SAMMSON: variants seen among roughly 807,000 people sequenced by gnomAD.
The protein encoded by SAMMSON is survival associated mitochondrial melanoma specific oncogenic non-coding RNA.
chr3:70,094,345 G>C (rs1364064314), intron 4 of SAMMSON, among the ~76,000 whole-genome samples: 2 of 152,120 alleles, frequency 1.3e-5, no homozygotes, highest in African/African-American at 4.8e-5. Context: ...AGAGTTCAGA[G>C]TAATGTTCTC....
chr3:70,166,735 G>A (rs539918076), intron 4 of SAMMSON, among the ~76,000 whole-genome samples: 2 of 151,852 alleles, frequency 1.3e-5, no homozygotes, highest in Non-Finnish European at 2.9e-5. Flanking sequence ...AATTGCCTGT[G>A]ACAATTTTCT....
intron 4 of SAMMSON, among the ~76,000 whole-genome samples, chr3:70,243,687 T>G (rs1490109959): frequency 6.6e-6 from 1 of 152,148 alleles, no homozygotes; most frequent in African/African-American, 2.4e-5. Context: ...CGTCTCCAGG[T>G]ATTCCTAACG....
At chr3:70,036,418 A>G (rs761296617) in intron 3 of SAMMSON, among the ~76,000 whole-genome samples, 1 of 152,162 alleles carries the variant, frequency 6.6e-6, no homozygotes, top group Non-Finnish European at 1.5e-5. Context: ...GAAGGGATTG[A>G]TATCACTCTC....
intron 3 of SAMMSON, among the ~76,000 whole-genome samples, chr3:70,037,744 T>C (rs977312477): frequency 1.3e-5 from 2 of 152,228 alleles, no homozygotes; most frequent in Admixed American, 1.3e-4. Flanking sequence ...CAGCACTCTT[T>C]CCAGTTGAGC....
chr3:70,184,377 C>T (rs1364615607), intron 4 of SAMMSON, among the ~76,000 whole-genome samples: 1 of 152,118 alleles, frequency 6.6e-6, no homozygotes. Context: ...TCTTAGAGTG[C>T]TTTTTCCATA....
At chr3:70,143,543 G>C (rs1202432445) in intron 4 of SAMMSON, among the ~76,000 whole-genome samples, 2 of 152,112 alleles carry the variant, frequency 1.3e-5, no homozygotes, top group Admixed American at 6.6e-5. Context: ...GCTCCAGGAG[G>C]TTCACCTTTG....
At chr3:70,006,804 C>A (rs536658582) in intron 1 of SAMMSON, among the ~76,000 whole-genome samples, 12 of 125,290 alleles carry the variant, frequency 9.6e-5, no homozygotes, top group Non-Finnish European at 1.5e-4. Flanking sequence ...CCCCTCCCCC[C>A]ACCCCACAAC....
rs187923732 is a variant in SAMMSON at position 70,181,188 on chromosome 3, C to T, written n.508-67919C>T. ...ATTGCTCCTTTCCTCTCTGCAATGGCCAAGTTTATTGCGTGAAACATGTCC... is the reference window on the plus strand; with the variant it reads ...ATTGCTCCTTTCCTCTCTGCAATGGTCAAGTTTATTGCGTGAAACATGTCC... On this transcript the variant is annotated intron_variant and non_coding_transcript_variant, in intron 4 of 9. Coordinates refer to ENST00000642114, the Ensembl canonical transcript of SAMMSON. 2.6e-5 allele frequency among the ~76,000 whole-genome samples: 4 copies of T among 152,262 alleles called. No homozygotes were observed. In the East Asian group the frequency reaches 7.7e-4, roughly 29 times the overall value.
intron 8 of SAMMSON, among the ~76,000 whole-genome samples, chr3:70,356,217 A>G (rs1702828350): frequency 1.3e-5 from 2 of 152,090 alleles, no homozygotes; most frequent in South Asian, 2.1e-4. Flanking sequence ...CTTTTTATAG[A>G]TTATAAAATA....
At chr3:70,372,914 C>G (rs2106746938) in intron 9 of SAMMSON, among the ~76,000 whole-genome samples, 1 of 152,144 alleles carries the variant, frequency 6.6e-6, no homozygotes, top group African/African-American at 2.4e-5. Flanking sequence ...GGTACCTTAC[C>G]TCCTTTTAAG....
At position 70,399,675 on chromosome 3, in the gene SAMMSON, G is replaced by T. The variant is rs1461045888; in HGVS notation, n.233+41351G>T. Among the ~76,000 whole-genome samples the T allele has an allele frequency of 7.2e-5, 11 of 152,114 alleles. 1 individual carries two copies. Among genetic ancestry groups the T allele is most frequent in the Admixed American group, 6.6e-4 (10 of 15,260 alleles). ...GAGGTCAGGAGTTTGAGACCAGCCT[G>T]GCCAACATGGTGAAACCCCATCTCT... is the stretch of plus-strand genomic sequence containing the variant. On this transcript the variant is annotated intron_variant and non_coding_transcript_variant, in intron 2 of 3. Coordinates refer to the SAMMSON transcript ENST00000641053.
chr3:70,416,577 T>G (rs1042347279), intron 2 of SAMMSON, among the ~76,000 whole-genome samples: 28 of 152,198 alleles, frequency 1.8e-4, no homozygotes, highest in African/African-American at 6.5e-4. Context: ...AGTGATTTTC[T>G]GCATACATTG....
At chr3:70,091,070 T>C (rs1342622164) in intron 4 of SAMMSON, among the ~76,000 whole-genome samples, 2 of 152,262 alleles carry the variant, frequency 1.3e-5, no homozygotes, top group South Asian at 2.1e-4. Context: ...CCATCCATCA[T>C]AGACCACATA....
chr3:70,154,019 AT>A, intron 4 of SAMMSON, among the ~76,000 whole-genome samples: 1 of 150,294 alleles, frequency 6.7e-6, no homozygotes, highest in South Asian at 2.1e-4. Flanking sequence ...TTATCCTGCT[AT>A]TTTTTTTCAG....
intron 4 of SAMMSON, among the ~76,000 whole-genome samples, chr3:70,229,174 T>C (rs1701535990): frequency 6.6e-6 from 1 of 152,124 alleles, no homozygotes; most frequent in African/African-American, 2.4e-5. Context: ...TTTTTAGTTA[T>C]CAGCATCTTA....
intron 4 of SAMMSON, among the ~76,000 whole-genome samples, chr3:70,162,703 A>G (rs2106693891): frequency 6.6e-6 from 1 of 151,930 alleles, no homozygotes; most frequent in East Asian, 1.9e-4. Flanking sequence ...TTTATGTCTA[A>G]TTGTTCTATC....
intron 3 of SAMMSON, chr3:70,069,238 C>T (rs1452122050): frequency 6.6e-6 from 1 of 152,076 alleles, no homozygotes; most frequent in Non-Finnish European, 1.5e-5. Context: ...TCCTATGATC[C>T]TTTGTGATGT....
intron 7 of SAMMSON, among the ~76,000 whole-genome samples, chr3:70,324,373 C>G (rs1024124206): frequency 1.3e-5 from 2 of 152,028 alleles, no homozygotes; most frequent in African/African-American, 4.8e-5. Flanking sequence ...ATTACCATAG[C>G]TTAACTAGCC....
chr3:70,124,836 A>AAAC (rs1559519152), intron 4 of SAMMSON, among the ~76,000 whole-genome samples: 41 of 148,988 alleles, frequency 2.8e-4, no homozygotes, highest in African/African-American at 9.5e-4. Context: ...AAAAAAAAAA[A>AAAC]AAAGAAAGAA....
Sources: gnomAD v4.1 joint callset for allele counts (sites outside exome capture counted in the v4.1 genomes callset) on GRCh38, gnomAD v4.1.1 for gene constraint, MANE v1.5 for transcripts, NCBI Gene and HGNC (gene_info 2026-07-23, HGNC 2026-07-21) for gene names.